Variants in TCF7L2 observed in about 807,000 individuals in gnomAD.
TCF7L2 encodes the protein transcription factor 7 like 2, also known as transcription factor 7-like 2.
Under a neutral mutation model 77.9 loss-of-function variants are expected in TCF7L2, and 23 were observed. That is an observed-to-expected ratio of 0.30 (90% confidence interval 0.21 to 0.42). The LOEUF is 0.42. Ranked by LOEUF, TCF7L2 falls within the 10% of genes least tolerant of loss-of-function variation. TCF7L2 has a pLI of 1.00. For missense variants in TCF7L2, 654 were observed against 793.1 expected, an observed-to-expected ratio of 0.82 and a Z score of 2.11; for synonymous variants, 413 against 340.2, an observed-to-expected ratio of 1.21 and a Z score of -2.36.
intron 4 of TCF7L2, among the ~76,000 whole-genome samples, chr10:113,033,462 G>C (rs1373052477): frequency 6.6e-6 from 1 of 151,750 alleles, no homozygotes; most frequent in African/African-American, 2.4e-5. Context: ...CTCCTAGGCT[G>C]GTCTTGAACT....
At chr10:113,098,849 T>C (rs1372992197) in intron 5 of TCF7L2, among the ~76,000 whole-genome samples, 3 of 152,280 alleles carry the variant, frequency 2.0e-5, no homozygotes, top group Non-Finnish European at 4.4e-5. Context: ...CATCGCCCTG[T>C]ACATGTCCTG....
chr10:113,160,760 A>G, intron 13 of TCF7L2: 1 of 1,435,142 alleles, frequency 7.0e-7, no homozygotes, highest in Non-Finnish European at 9.5e-7. Flanking sequence ...TAGCGTGATA[A>G]TTTATTTTGA....
At chr10:113,075,906 C>T (rs2058639838) in intron 5 of TCF7L2, among the ~76,000 whole-genome samples, 1 of 152,002 alleles carries the variant, frequency 6.6e-6, no homozygotes, top group African/African-American at 2.4e-5. Context: ...GAGGCTGAGG[C>T]GAGTTGATCA....
chr10:113,158,187 C>T (rs2072362960), intron 12 of TCF7L2, 118 bp downstream of exon 12: 1 of 1,046,760 alleles, frequency 9.6e-7, no homozygotes, highest in Non-Finnish European at 1.4e-6. Flanking sequence ...GTGGGGGAAC[C>T]CTTCTTAGCT....
In TCF7L2 at chr10:113,165,791, C is replaced by T. The variant is rs1306744804; in HGVS notation, c.1628C>T (p.Ala543Val). The change falls in exon 14 of 14, where the codon GCC becomes GTC. Residue 543 changes from alanine (A) to valine (V), a missense_variant. Ala to Val is a moderately conservative substitution (Grantham distance 64). Around this residue, in one of 6 missense-constraint regions of TCF7L2, gnomAD observed 272 missense variants for 215.4 expected, o/e 1.26. Transcript: ENST00000627217. The stretch of plus-strand genomic sequence containing the variant: ...CCACCCGCCCTCCTGCTCGCTGAGG[C>T]CACCCACAAGGCCTCCGCCCTCTGT... 1 of 1,604,954 alleles carries T rather than the reference C, an allele frequency of 6.2e-7. No homozygotes were observed. The highest frequency in any genetic ancestry group is 8.5e-7 in the Non-Finnish European group (1 of 1,175,186).
At chr10:112,984,085 G>C (rs2041020509) in intron 4 of TCF7L2, among the ~76,000 whole-genome samples, 1 of 152,202 alleles carries the variant, frequency 6.6e-6, no homozygotes, top group Admixed American at 6.5e-5. Flanking sequence ...TTAAAACACA[G>C]TGCTTTGGGA....
intron 3 of TCF7L2, among the ~76,000 whole-genome samples, chr10:112,957,180 A>G (rs1234792901): frequency 8.7e-6 from 1 of 115,594 alleles, no homozygotes; most frequent in African/African-American, 3.3e-5. Flanking sequence ...ATTCCCCCCA[A>G]CACCCCCACC....
At chr10:113,160,786 A>C in intron 13 of TCF7L2, 1 of 1,186,156 alleles carries the variant, frequency 8.4e-7, no homozygotes, top group Non-Finnish European at 1.2e-6. Context: ...TTCCCCATCT[A>C]CTTCCCCTCT....
intron 5 of TCF7L2, among the ~76,000 whole-genome samples, chr10:113,093,985 C>G (rs777010198): frequency 6.6e-6 from 1 of 152,152 alleles, no homozygotes; most frequent in Non-Finnish European, 1.5e-5. Flanking sequence ...GATCAGTGGC[C>G]GGGGATTAGC....
chr10:113,018,734 C>T (rs562673271), intron 4 of TCF7L2, among the ~76,000 whole-genome samples: 30 of 152,260 alleles, frequency 2.0e-4, no homozygotes, highest in African/African-American at 7.0e-4. Context: ...TCCCAAAGTG[C>T]TGGGATTACA....
At chr10:113,164,783 TTTTTG>T (rs942667271) in intron 13 of TCF7L2, among the ~76,000 whole-genome samples, 2 of 152,020 alleles carry the variant, frequency 1.3e-5, no homozygotes, top group Non-Finnish European at 2.9e-5. Flanking sequence ...TTGTTTTTTG[TTTTTG>T]TTTTAAGTTT....
intron 3 of TCF7L2, among the ~76,000 whole-genome samples, chr10:112,962,734 G>A (rs1417707366): frequency 1.3e-5 from 2 of 152,164 alleles, no homozygotes; most frequent in African/African-American, 4.8e-5. Flanking sequence ...GAGTAGCTGG[G>A]ACTATAGGCG....
intron 3 of TCF7L2, among the ~76,000 whole-genome samples, chr10:112,958,563 G>A (rs1379381265): frequency 3.9e-5 from 6 of 152,048 alleles, no homozygotes; most frequent in Admixed American, 3.9e-4. Context: ...ATGAATTGCA[G>A]ATGTAGGCTA....
At chr10:113,072,351 G>T (rs2058133384) in intron 5 of TCF7L2, among the ~76,000 whole-genome samples, 1 of 149,170 alleles carries the variant, frequency 6.7e-6, no homozygotes, top group Non-Finnish European at 1.5e-5. Flanking sequence ...ACCGCGCCTG[G>T]CCTTTATTTT....
At chr10:113,034,013 G>C (rs1484084652) in intron 4 of TCF7L2, among the ~76,000 whole-genome samples, 2 of 152,142 alleles carry the variant, frequency 1.3e-5, no homozygotes, top group East Asian at 3.8e-4. Context: ...AACCATTCTG[G>C]GTAAATTGGG....
At chr10:113,089,721 A>G (rs1225310636) in intron 5 of TCF7L2, among the ~76,000 whole-genome samples, 2 of 152,206 alleles carry the variant, frequency 1.3e-5, no homozygotes, top group African/African-American at 4.8e-5. Flanking sequence ...GGGATATCAT[A>G]GCCATAAAAA....
intron 5 of TCF7L2, among the ~76,000 whole-genome samples, chr10:113,113,032 C>T (rs145503311): frequency 0.016 from 2,366 of 152,218 alleles, 41 homozygotes; most frequent in Non-Finnish European, 0.02. Context: ...AGAGAGTCAC[C>T]GTTATCTGAA....
At chr10:112,996,447 C>T (rs2043504004) in intron 4 of TCF7L2, among the ~76,000 whole-genome samples, 1 of 152,166 alleles carries the variant, frequency 6.6e-6, no homozygotes, top group African/African-American at 2.4e-5. Context: ...AGAGATGCAA[C>T]ATGTCAGGCC....
intron 3 of TCF7L2, among the ~76,000 whole-genome samples, chr10:112,961,266 C>CCCCG (rs2035120787): frequency 8.0e-6 from 1 of 125,740 alleles, no homozygotes; most frequent in Non-Finnish European, 1.7e-5. Flanking sequence ...CCCCCCCCCC[C>CCCCG]CAACCTCGGC....
Sources: allele counts gnomAD v4.1 joint callset (sites outside exome capture counted in the v4.1 genomes callset), GRCh38; gene constraint gnomAD v4.1.1; regional missense constraint gnomAD v4.1.1; transcripts MANE v1.5; gene names NCBI Gene and HGNC (gene_info 2026-07-23, HGNC 2026-07-21).